SLC39A11: variants seen among roughly 807,000 people sequenced by gnomAD.
The protein encoded by SLC39A11 is zinc transporter ZIP11.
Under a neutral mutation model 36.1 loss-of-function variants are expected in SLC39A11, and 33 were observed. The observed-to-expected ratio is 0.91, with a 90% CI of 0.69 to 1.22. The LOEUF (loss-of-function observed/expected upper bound fraction) is 1.22, where lower values mean the gene tolerates loss of function less well. Among genes scored for constraint, SLC39A11 ranks in the 50% most tolerant of loss-of-function variants. SLC39A11 has a pLI of 0.00. For synonymous variants in SLC39A11, 166 were observed against 170.3 expected (o/e 0.97, Z 0.20); for missense variants, 432 against 430.3 (o/e 1.00, Z -0.03).
At chr17:73,078,393 A>C (rs2060397873) in intron 3 of SLC39A11, among the ~76,000 whole-genome samples, 1 of 152,196 alleles carries the variant, frequency 6.6e-6, no homozygotes, top group African/African-American at 2.4e-5. Context: ...AGATATAGAT[A>C]GATAGGTAGG....
At chr17:73,082,845 T>C (rs190219938) in intron 3 of SLC39A11, among the ~76,000 whole-genome samples, 104 of 86,908 alleles carry the variant, frequency 1.2e-3, no homozygotes, top group African/African-American at 4.3e-3. Context: ...ACCCCATCTC[T>C]ACTAAAACCA....
intron 4 of SLC39A11, among the ~76,000 whole-genome samples, chr17:73,020,408 A>C (rs565103526): frequency 2.6e-5 from 4 of 152,334 alleles, no homozygotes; most frequent in African/African-American, 9.6e-5. Flanking sequence ...GAGAGCCCTC[A>C]CCAGGAACTG....
chr17:72,732,040 C>CTTTTTTTTTTTTTTTTTT (rs764728558), intron 7 of SLC39A11, among the ~76,000 whole-genome samples: 3 of 33,656 alleles, frequency 8.9e-5, no homozygotes, highest in Non-Finnish European at 1.7e-4. Context: ...CTTTTCTTTT[C>CTTTTTTTTTTTTTTTTTT]TTTTTTTTTT....
In SLC39A11 at chr17:72,849,731, G is replaced by A. The variant is rs774632972; in HGVS notation, c.504C>T (p.Val168=). 1.2e-6 allele frequency: 2 copies of A among 1,611,440 alleles called. No individual in the cohort carries two copies. Among genetic ancestry groups the A allele is most frequent in the Non-Finnish European group, 1.7e-6 (2 of 1,179,114 alleles). The change falls in exon 6 of 10, where the codon GTC becomes GTT. Residue 168 remains valine (V), a synonymous_variant. Coordinates refer to ENST00000255559, the MANE Select transcript of SLC39A11 (RefSeq NM_139177.4). ...AATGLPEGPA[V]PVPSRGNLAQ... ...CCAGATTCCCTCGAGAAGGCACAGGGACAGCAGGACCCTCTGGAAGGCCAG... is the reference window on the plus strand; with the variant it reads ...CCAGATTCCCTCGAGAAGGCACAGGAACAGCAGGACCCTCTGGAAGGCCAG...
chr17:73,039,998 T>TC (rs748319835), intron 3 of SLC39A11, among the ~76,000 whole-genome samples: 3 of 151,934 alleles, frequency 2.0e-5, no homozygotes, highest in African/African-American at 7.3e-5. Context: ...AGTTACCACC[T>TC]CCCCCATTAT....
At chr17:72,946,864 T>C (rs2085461809) in intron 5 of SLC39A11, among the ~76,000 whole-genome samples, 1 of 152,122 alleles carries the variant, frequency 6.6e-6, no homozygotes, top group African/African-American at 2.4e-5. Flanking sequence ...CTTCAACAAC[T>C]TCTCAAAGGG....
chr17:72,850,105 G>T (rs1199510834), intron 5 of SLC39A11, among the ~76,000 whole-genome samples: 2 of 152,090 alleles, frequency 1.3e-5, no homozygotes, highest in African/African-American at 4.8e-5. Context: ...GACTATGCAT[G>T]CTTCTGTGTG....
chr17:72,845,688 C>A (rs2079015822), intron 6 of SLC39A11, among the ~76,000 whole-genome samples: 1 of 152,180 alleles, frequency 6.6e-6, no homozygotes, highest in African/African-American at 2.4e-5. Flanking sequence ...AGATCTTGGT[C>A]TGTTTTAGTA....
intron 3 of SLC39A11, among the ~76,000 whole-genome samples, chr17:73,041,577 G>A (rs1423683252): frequency 1.3e-5 from 2 of 152,250 alleles, no homozygotes; most frequent in Non-Finnish European, 2.9e-5. Context: ...CTGAAAACAG[G>A]AGAAAAAGTG....
At chr17:73,028,565 C>T (rs184376886) in intron 4 of SLC39A11, among the ~76,000 whole-genome samples, 6 of 152,234 alleles carry the variant, frequency 3.9e-5, no homozygotes, top group African/African-American at 7.2e-5. Context: ...CCTCTCACAT[C>T]GACAGCAAGA....
chr17:72,976,664 C>T (rs942147320), intron 4 of SLC39A11, among the ~76,000 whole-genome samples: 3 of 152,136 alleles, frequency 2.0e-5, no homozygotes, highest in African/African-American at 4.8e-5. Flanking sequence ...TCCAGGCCAA[C>T]ATGGTGAAAC....
chr17:72,728,504 C>T (rs1239110236), intron 7 of SLC39A11, among the ~76,000 whole-genome samples: 1 of 151,780 alleles, frequency 6.6e-6, no homozygotes, highest in East Asian at 2.0e-4. Flanking sequence ...TAAATATTTT[C>T]AGCTTTGCAG....
chr17:72,941,101 A>G (rs1298555719), intron 5 of SLC39A11, among the ~76,000 whole-genome samples: 1 of 151,984 alleles, frequency 6.6e-6, no homozygotes, highest in African/African-American at 2.4e-5. Flanking sequence ...GCAAAATGCC[A>G]TCTCTACAAA....
At chr17:72,902,866 G>A (rs1238322210) in intron 5 of SLC39A11, among the ~76,000 whole-genome samples, 1 of 152,140 alleles carries the variant, frequency 6.6e-6, no homozygotes, top group East Asian at 1.9e-4. Flanking sequence ...AACTATTATA[G>A]AGTGGATCTT....
chr17:72,808,934 C>G (rs1228478907), intron 6 of SLC39A11, among the ~76,000 whole-genome samples: 1 of 152,170 alleles, frequency 6.6e-6, no homozygotes. Context: ...CTGAGGGAGG[C>G]AGATTTGAGT....
chr17:72,907,833 C>T (rs976365158), intron 5 of SLC39A11, among the ~76,000 whole-genome samples: 2 of 152,198 alleles, frequency 1.3e-5, no homozygotes, highest in Non-Finnish European at 2.9e-5. Flanking sequence ...ACCCATATCC[C>T]ACGCCACAGA....
chr17:73,001,396 C>T (rs1027103792), intron 4 of SLC39A11, among the ~76,000 whole-genome samples: 1 of 118,204 alleles, frequency 8.5e-6, no homozygotes, highest in Non-Finnish European at 1.6e-5. Flanking sequence ...GGGAACATCA[C>T]ACTCTGGGGA....
At position 72,646,211 on chromosome 17, in the gene SLC39A11, A is replaced by C. The variant is rs2069554614; in HGVS notation, c.*1373T>G. On this transcript the variant is annotated 3_prime_UTR_variant, in exon 10 of 10. Coordinates refer to ENST00000255559, the MANE Select transcript of SLC39A11 (RefSeq NM_139177.4). ...ATAGCATTCACAGAGCAGGAGATTC[A>C]CCCTTGGAAGCAATTGAATGTGTAA... 6.6e-6 allele frequency: 1 copy of C among 152,626 alleles called. No homozygotes were observed. The highest frequency in any genetic ancestry group is 6.5e-5 in the Admixed American group (1 of 15,278). 9.5% of individuals were successfully genotyped at this position (152,626 alleles called of 1,614,324 possible).
intron 5 of SLC39A11, among the ~76,000 whole-genome samples, chr17:72,885,108 T>C (rs902070378): frequency 7.2e-5 from 11 of 152,204 alleles, no homozygotes; most frequent in African/African-American, 2.7e-4. Flanking sequence ...TGATGATACT[T>C]GTAGGTTATC....
Sources: gnomAD v4.1 joint callset for allele counts (sites outside exome capture counted in the v4.1 genomes callset) on GRCh38, gnomAD v4.1.1 for gene constraint, MANE v1.5 for transcripts, NCBI Gene and HGNC (gene_info 2026-07-23, HGNC 2026-07-21) for gene names.